FN1: variants seen among roughly 807,000 people sequenced by gnomAD.
FN1 encodes the protein fibronectin 1.
Under a neutral mutation model 297.3 loss-of-function variants are expected in FN1, and 106 were observed. The ratio of observed to expected loss-of-function variants is 0.36; its 90% CI spans 0.30 to 0.42. The LOEUF (loss-of-function observed/expected upper bound fraction) is 0.42. Among genes scored for constraint, FN1 ranks in the 10% least tolerant of loss-of-function variants. FN1 has a pLI of 1.00. For synonymous variants in FN1, 1,149 were observed against 1,152.6 expected (o/e 1.00, Z 0.06); for missense variants, 2,690 against 3,124.9 (o/e 0.86, Z 3.32).
Position 215,409,710 on chromosome 2 carries a change from A to C in FN1, c.2152T>G (p.Phe718Val), listed in dbSNP as rs1047528705. ...TCAGAAGTGGCCACAAGAGGAGAAA[A>C]GGGAGTCGTCTCTCCTGTCACGGTG... The part of the protein sequence containing the change: ...SNTVTGETTP[F>V]SPLVATSESV... Residue 718 changes from phenylalanine (F) to valine (V), a missense_variant, in exon 15 of 46, where the codon TTT (phenylalanine) becomes GTT (valine). Phe to Val is a conservative substitution (Grantham distance 50, BLOSUM62 -1). Transcript: ENST00000354785. 1 of 1,614,082 alleles carries C rather than the reference A, an allele frequency of 6.2e-7. No homozygotes were observed. Among genetic ancestry groups the C allele is most frequent in the African/African-American group, 1.3e-5 (1 of 75,006 alleles).
In FN1 at chr2:215,431,997, G is replaced by A. The variant is rs200593715; in HGVS notation, c.416-33C>T. ...AGATACAACGAAAATGTTAGGAGAGGGCAGAACAGATTTTTTTTTTTGGTC... is the reference window on the plus strand; with the variant it reads ...AGATACAACGAAAATGTTAGGAGAGAGCAGAACAGATTTTTTTTTTTGGTC... On this transcript the variant is annotated intron_variant, in intron 3 of 45. Transcript: ENST00000354785. 69 of 1,610,044 alleles carry A rather than the reference G, an allele frequency of 4.3e-5. No individual in the cohort carries two copies. The Middle Eastern group carries it at 9.9e-4, about 23-fold the overall frequency.
chr2:215,362,381 A>G, intron 44 of FN1: 2 of 404,832 alleles, frequency 4.9e-6, no homozygotes, highest in African/African-American at 4.1e-5. Flanking sequence ...AACTTCCTCA[A>G]CAAGTTCTCT....
chr2:215,428,184 C>T lies in FN1; in HGVS notation c.840G>A (p.Ser280=), dbSNP rs752310186. 7.4e-6 allele frequency: 12 copies of T among 1,613,954 alleles called. No individual in the cohort carries two copies. The highest frequency in any genetic ancestry group is 2.2e-5 in the East Asian group (1 of 44,900). The change falls in exon 6 of 46, where the codon TCG becomes TCA. Residue 280 remains serine, a synonymous_variant. Transcript: ENST00000354785. ...CERHTSVQTT[S]SGSGPFTDVR... ...CCTGCTCGTCCTGTGCCTCACCGCTCGATGTGGTCTGCACAGAGGTGTGCC... is the reference window on the plus strand; with the variant it reads ...CCTGCTCGTCCTGTGCCTCACCGCTTGATGTGGTCTGCACAGAGGTGTGCC...
intron 7 of FN1, 40 bp from the exon 8 acceptor site, chr2:215,424,365 C>T: frequency 2.0e-6 from 3 of 1,535,858 alleles, no homozygotes; most frequent in Non-Finnish European, 2.7e-6. Flanking sequence ...AACAGAGATG[C>T]TTTATCTCCC....
chr2:215,406,573 G>GT (rs2061802208), intron 18 of FN1, 63 bp from the exon 19 acceptor site: 3 of 1,554,898 alleles, frequency 1.9e-6, no homozygotes, highest in Admixed American at 3.6e-5. Flanking sequence ...TAAGAAGCCA[G>GT]TTTCTTGGAT....
chr2:215,368,124 T>G, intron 41 of FN1, 97 bp from the exon 42 acceptor site: 3 of 1,274,398 alleles, frequency 2.4e-6, no homozygotes, highest in Non-Finnish European at 3.4e-6. Flanking sequence ...TGACTTAATC[T>G]AAAACAAGAA....
At chr2:215,409,457 C>T (rs2062253866) in intron 15 of FN1, 106 bp downstream of exon 15, 1 of 1,049,234 alleles carries the variant, frequency 9.5e-7, no homozygotes, top group African/African-American at 1.6e-5. Flanking sequence ...GAGCTGTCAA[C>T]CAGTTCCAAA....
At chr2:215,391,395 T>C (rs983185924) in intron 26 of FN1, among the ~76,000 whole-genome samples, 8 of 152,228 alleles carry the variant, frequency 5.3e-5, no homozygotes, top group African/African-American at 1.9e-4. Flanking sequence ...GTCATGGAAC[T>C]TTCCTGCAGG....
chr2:215,421,900 A>G (rs536777292), intron 10 of FN1, among the ~76,000 whole-genome samples, 191 bp downstream of exon 10: 54 of 152,304 alleles, frequency 3.5e-4, no homozygotes, highest in South Asian at 1.4e-3. Context: ...TAGCATTGCT[A>G]TGCCGCTTGT....
At chr2:215,422,826 C>T (rs568225640) in intron 9 of FN1, among the ~76,000 whole-genome samples, 112 of 152,200 alleles carry the variant, frequency 7.4e-4, no homozygotes, top group African/African-American at 2.6e-3. Flanking sequence ...TCCATTTGTT[C>T]GCCATCTATA....
At chr2:215,433,017 C>T (rs947496279) in intron 3 of FN1, among the ~76,000 whole-genome samples, 12 of 152,168 alleles carry the variant, frequency 7.9e-5, no homozygotes, top group African/African-American at 2.9e-4. Context: ...GGCAACTCCC[C>T]TAAGCATGTC....
intron 20 of FN1, among the ~76,000 whole-genome samples, chr2:215,399,986 G>A (rs931611671): frequency 6.6e-6 from 1 of 151,814 alleles, no homozygotes. Context: ...TCAGGAGTTC[G>A]AGACCAGGCT....
At chr2:215,387,471 A>G (rs924313969) in intron 27 of FN1, among the ~76,000 whole-genome samples, 1 of 152,206 alleles carries the variant, frequency 6.6e-6, no homozygotes, top group Admixed American at 6.5e-5. Flanking sequence ...AAACTTTCTG[A>G]AACTAAAGAC....
chr2:215,361,631 T>TA lies in FN1; in HGVS notation c.7363-6dup, dbSNP rs763371667. Reference sequence around the variant, plus strand: ...CTCAATTGGGCAATTAACATTCTGTTAAAAAGGAAGAAGGAAAAAAAAATT... The same window carrying TA: ...CTCAATTGGGCAATTAACATTCTGTTAAAAAAGGAAGAAGGAAAAAAAAATT... On this transcript the variant is annotated splice_region_variant and splice_polypyrimidine_tract_variant and intron_variant, in intron 45 of 45. Transcript: ENST00000354785. 8.7e-6 allele frequency: 14 copies of TA among 1,607,446 alleles called. No individual in the cohort carries two copies. The East Asian group carries it at 1.8e-4, about 21-fold the overall frequency.
chr2:215,406,153 G>T, intron 19 of FN1, 85 bp downstream of exon 19: 2 of 1,342,234 alleles, frequency 1.5e-6, no homozygotes, highest in Non-Finnish European at 2.1e-6. Context: ...ATACACCTCT[G>T]AGTGAATGGT....
rs1261559297 is a variant in FN1, at chr2:215,360,891, G to GTTGTC, written c.*659_*663dup. ...GGAATGTAAATCTTTTATTAAAACA[G>GTTGTC]TTGTCTTTCCACAGTAGTAAAGCTT... On this transcript the variant is annotated 3_prime_UTR_variant, in exon 46 of 46. Coordinates refer to ENST00000354785, the MANE Select transcript of FN1 (RefSeq NM_212482.4). 6.6e-6 allele frequency: 1 copy of GTTGTC among 152,600 alleles called. No individual in the cohort carries two copies. The highest frequency in any genetic ancestry group is 2.4e-5 in the African/African-American group (1 of 41,426). The allele number at this position is 152,600 out of a possible 1,614,324, so 9.5% of individuals were successfully genotyped here. A position where few individuals can be genotyped will look rare whatever the true frequency, so the allele number is the denominator to read the frequency against.
At chr2:215,381,850 C>T in intron 32 of FN1, 1 of 348,898 alleles carries the variant, frequency 2.9e-6, no homozygotes, top group Non-Finnish European at 5.6e-6. Context: ...TCAAATGCCC[C>T]AAACATAAAG....
chr2:215,364,612 TAAG>T (rs1575168916), intron 44 of FN1: 1 of 546,340 alleles, frequency 1.8e-6, no homozygotes, highest in African/African-American at 1.9e-5. Context: ...GTGTTGCTAT[TAAG>T]AATGACTCAA....
chr2:215,361,833 AGT>A (rs749604009), intron 45 of FN1, 134 bp downstream of exon 45: 209 of 1,219,128 alleles, frequency 1.7e-4, no homozygotes, highest in Admixed American at 4.1e-4. Context: ...TATGGAATAC[AGT>A]GTTTCACTTA....
Sources: allele counts gnomAD v4.1 joint callset (sites outside exome capture counted in the v4.1 genomes callset), GRCh38; gene constraint gnomAD v4.1.1; transcripts MANE v1.5; gene names NCBI Gene and HGNC (gene_info 2026-07-23, HGNC 2026-07-21).